The following TGFB1 variants were observed in gnomAD, a reference collection of about 807,000 sequenced individuals.
TGFB1 encodes transforming growth factor beta 1, also known as transforming growth factor beta-1 proprotein.
TGFB1 carries 19 observed loss-of-function variants against 43.8 expected under a neutral mutation model. That is an observed-to-expected ratio of 0.43 (90% confidence interval 0.30 to 0.64). TGFB1 has a LOEUF of 0.64. Among genes scored for constraint, TGFB1 ranks in the 30% least tolerant of loss-of-function variants. The pLI, the probability that TGFB1 is intolerant of heterozygous loss-of-function variation, is 0.11. For missense variants in TGFB1, 445 were observed against 529.8 expected, an observed-to-expected ratio of 0.84 and a Z score of 1.57; for synonymous variants, 221 against 236.3, an observed-to-expected ratio of 0.94 and a Z score of 0.60.
chr19:41,346,113 G>A (rs2038113640), intron 2 of TGFB1, among the ~76,000 whole-genome samples: 1 of 152,096 alleles, frequency 6.6e-6, no homozygotes, highest in Non-Finnish European at 1.5e-5. Flanking sequence ...CACTTTGGGA[G>A]GCCGAGGAGG....
In TGFB1 at chr19:41,342,115, AACAC is replaced by A. The variant is rs1648612287; in HGVS notation, c.712+51_712+54del. On this transcript the variant is annotated intron_variant, in intron 4 of 6. Coordinates refer to ENST00000221930, the MANE Select transcript of TGFB1 (RefSeq NM_000660.7). ...ATAAGTGGGGCGTGGGGCAGATGGG[AACAC>A]ACACACGCACACACGTCACAACTGG... 11 of 1,612,244 alleles carry A rather than the reference AACAC, an allele frequency of 6.8e-6. No homozygotes were observed. In the South Asian group the frequency reaches 9.9e-5, roughly 15 times the overall value.
intron 3 of TGFB1, 143 bp from the exon 4 acceptor site, chr19:41,342,390 CTTTTTTTTTTT>C: frequency 9.3e-6 from 4 of 430,262 alleles, no homozygotes; most frequent in African/African-American, 3.3e-5. Context: ...GCAGCTCTCT[CTTTTTTTTTTT>C]TTTTTTTTTT....
At chr19:41,345,586 T>C (rs2038106904) in intron 2 of TGFB1, among the ~76,000 whole-genome samples, 1 of 151,752 alleles carries the variant, frequency 6.6e-6, no homozygotes, top group South Asian at 2.1e-4. Context: ...CACCCTGAAT[T>C]CTCAGTAACT....
chr19:41,351,864 C>T (rs2038202655), intron 1 of TGFB1, among the ~76,000 whole-genome samples: 1 of 151,976 alleles, frequency 6.6e-6, no homozygotes, highest in Non-Finnish European at 1.5e-5. Flanking sequence ...TTTCCCACGC[C>T]TGTCTCCCCT....
At chr19:41,343,257 C>T (rs541635059) in intron 3 of TGFB1, among the ~76,000 whole-genome samples, 2 of 152,046 alleles carry the variant, frequency 1.3e-5, no homozygotes, top group South Asian at 2.1e-4. Flanking sequence ...GCCTCAGCCT[C>T]CCGAGTAGCT....
chr19:41,347,169 C>T (rs536306191), intron 2 of TGFB1, among the ~76,000 whole-genome samples: 10 of 152,140 alleles, frequency 6.6e-5, no homozygotes, highest in Admixed American at 2.0e-4. Flanking sequence ...ACTAGAGGCA[C>T]GCATCACCAT....
intron 2 of TGFB1, 43 bp from the exon 3 acceptor site, chr19:41,344,907 T>C (rs774112024): frequency 4.7e-5 from 70 of 1,504,236 alleles, no homozygotes; most frequent in Non-Finnish European, 6.3e-5. Context: ...GGGTAGATGG[T>C]GTCACGACCC....
At chr19:41,344,158 T>C (rs528977602) in intron 3 of TGFB1, among the ~76,000 whole-genome samples, 1 of 150,300 alleles carries the variant, frequency 6.7e-6, no homozygotes, top group African/African-American at 2.5e-5. Context: ...AATTTTTGTA[T>C]TTTTGTGTAG....
Position 41,341,918 on chromosome 19 carries a change from C to T in TGFB1, c.825G>A (p.Arg275=). Residue 275 remains arginine (R), a synonymous_variant, in exon 5 of 7, where the codon CGG becomes CGA. Coordinates refer to ENST00000221930, the MANE Select transcript of TGFB1 (RefSeq NM_000660.7). The part of the protein sequence containing the change: ...LERAQHLQSS[R]HRRALDTNYC... ...AGTTGGTGTCCAGGGCTCGGCGGTG[C>T]CGGGAGCTTTGCAGATGCTGGGCCC... 2 of 1,613,966 alleles carry T rather than the reference C, an allele frequency of 1.2e-6. No individual in the cohort carries two copies. Among genetic ancestry groups the T allele is most frequent in the South Asian group, 1.1e-5 (1 of 91,078 alleles).
chr19:41,353,143 G>A lies in TGFB1; in HGVS notation c.-99C>T. The A allele has an allele frequency of 1.4e-6, 2 of 1,390,144 alleles. No homozygotes were observed. Among genetic ancestry groups the A allele is most frequent in the Non-Finnish European group, 1.9e-6 (2 of 1,068,110 alleles). 86.1% of individuals were successfully genotyped at this position (1,390,144 alleles called of 1,614,324 possible). A position where few individuals can be genotyped will look rare whatever the true frequency, so the allele number is the denominator to read the frequency against. On this transcript the variant is annotated 5_prime_UTR_variant, in exon 1 of 7. Transcript: ENST00000221930. The surrounding 1 kb of genome is among the most constrained non-coding windows in gnomAD (Gnocchi z 5.9). ...AGGGGCTGGGGGTCTCCCGGCAAAA[G>A]GTAGGAGGGCCTCGAGGGAAAGCTG...
chr19:41,336,081 C>T (rs1402359554), intron 5 of TGFB1, among the ~76,000 whole-genome samples: 1 of 151,208 alleles, frequency 6.6e-6, no homozygotes, highest in Non-Finnish European at 1.5e-5. Context: ...CTGCAACCTC[C>T]ATGTCCCAAG....
chr19:41,348,208 T>C lies in TGFB1; in HGVS notation c.516+87A>G, dbSNP rs941432978. The C allele has an allele frequency of 5.2e-6, 8 of 1,527,056 alleles. No individual in the cohort carries two copies. The African/African-American group carries it at 1.1e-4, about 21-fold the overall frequency. 94.6% of individuals were successfully genotyped at this position (1,527,056 alleles called of 1,614,324 possible). A position where few individuals can be genotyped will look rare whatever the true frequency, so the allele number is the denominator to read the frequency against. ...TCAGGGACCATCTAGGTGGACCTTG[T>C]AACCAGCCGACCCACAGCCACCCCC... is the stretch of plus-strand genomic sequence containing the variant. On this transcript the variant is annotated intron_variant, in intron 2 of 6. Coordinates refer to ENST00000221930, the MANE Select transcript of TGFB1 (RefSeq NM_000660.7).
intron 5 of TGFB1, among the ~76,000 whole-genome samples, chr19:41,341,338 G>A (rs1018269100): frequency 6.6e-6 from 1 of 151,558 alleles, no homozygotes; most frequent in African/African-American, 2.4e-5. Flanking sequence ...GTGGTGGCAC[G>A]TGCCTGTAGT....
chr19:41,332,019 C>A, intron 6 of TGFB1, 109 bp downstream of exon 6: 1 of 1,314,638 alleles, frequency 7.6e-7, no homozygotes, highest in East Asian at 2.4e-5. Context: ...CCCTCTCTTT[C>A]TCCCCATCCT....
intron 2 of TGFB1, among the ~76,000 whole-genome samples, chr19:41,345,654 C>A (rs1358216524): frequency 6.6e-6 from 1 of 152,060 alleles, no homozygotes; most frequent in African/African-American, 2.4e-5. Flanking sequence ...GTTATCCCAG[C>A]ACTTTGGGAG....
intron 1 of TGFB1, 84 bp downstream of exon 1, chr19:41,352,606 G>A (rs1370504994): frequency 2.1e-5 from 31 of 1,501,950 alleles, no homozygotes; most frequent in Non-Finnish European, 2.8e-5. Context: ...AGTTTCTTCT[G>A]CCAGTCACTT....
At chr19:41,344,210 C>A (rs1281414598) in intron 3 of TGFB1, among the ~76,000 whole-genome samples, 4 of 151,990 alleles carry the variant, frequency 2.6e-5, no homozygotes, top group Non-Finnish European at 5.9e-5. Flanking sequence ...TCTCAAAACT[C>A]CTGAGCTCCA....
At position 41,331,002 on chromosome 19, in the gene TGFB1, G is replaced by A; in HGVS notation, c.*50C>T. ...CCCCATGGGCAAGGCAGCGGGGGCG[G>A]GGCGGGGTGGGGCCGGGCCTGCCGG... On this transcript the variant is annotated 3_prime_UTR_variant, in exon 7 of 7. Coordinates refer to ENST00000221930, the MANE Select transcript of TGFB1 (RefSeq NM_000660.7). 3 of 1,461,802 alleles carry A rather than the reference G, an allele frequency of 2.1e-6. No homozygotes were observed. The highest frequency in any genetic ancestry group is 1.3e-5 in the South Asian group (1 of 75,420). 90.6% of individuals were successfully genotyped at this position (1,461,802 alleles called of 1,614,324 possible).
rs2037916636 is a variant in TGFB1, at chr19:41,330,420, G to C, written c.*632C>G. 6.6e-6 allele frequency: 1 copy of C among 152,176 alleles called. No individual in the cohort carries two copies. Among genetic ancestry groups the C allele is most frequent in the Non-Finnish European group, 1.5e-5 (1 of 68,078 alleles). The allele number at this position is 152,176 out of a possible 1,614,324, so 9.4% of individuals were successfully genotyped here. A position where few individuals can be genotyped will look rare whatever the true frequency, so the allele number is the denominator to read the frequency against. On this transcript the variant is annotated 3_prime_UTR_variant, in exon 7 of 7. Coordinates refer to ENST00000221930, the MANE Select transcript of TGFB1 (RefSeq NM_000660.7). ...ACATTTTTTAAAAGTGTTTTGTAGA[G>C]ATAGGGTCTCACTATGTTACCCAGG...
Sources: gnomAD v4.1 joint callset for allele counts (sites outside exome capture counted in the v4.1 genomes callset) on GRCh38, gnomAD v4.1.1 for gene constraint, Gnocchi (gnomAD v3.1) non-coding constraint, MANE v1.5 for transcripts, NCBI Gene and HGNC (gene_info 2026-07-23, HGNC 2026-07-21) for gene names.